Variants in SNRPN observed in about 807,000 individuals in gnomAD.
The protein encoded by SNRPN is small nuclear ribonucleoprotein polypeptide N, also known as small nuclear ribonucleoprotein-associated protein N.
SNRPN carries 7 observed loss-of-function variants against 25.2 expected under a neutral mutation model. The observed-to-expected ratio is 0.28, with a 90% CI of 0.16 to 0.52. The LOEUF (loss-of-function observed/expected upper bound fraction) is 0.52, where lower values mean the gene tolerates loss of function less well. Among genes scored for constraint, SNRPN ranks in the 20% least tolerant of loss-of-function variants. The pLI is 0.96. For synonymous variants in SNRPN, 124 were observed against 110.6 expected (o/e 1.12, Z -0.76); for missense variants, 196 against 322.5 (o/e 0.61, Z 3.00).
At chr15:24,849,923 A>G (rs977834730) in intron 2 of SNRPN, 2 of 152,258 alleles carry the variant, frequency 1.3e-5, no homozygotes, top group Admixed American at 1.3e-4. Context: ...GAAGGCAATA[A>G]TGAACGTAAT....
chr15:24,908,120 A>T (rs1388570429), intron 2 of SNRPN, among the ~76,000 whole-genome samples: 1 of 151,922 alleles, frequency 6.6e-6, no homozygotes, highest in African/African-American at 2.4e-5. Context: ...CTTACTAGAC[A>T]CAAATTATGC....
intron 2 of SNRPN, chr15:24,850,311 C>T (rs547111461): frequency 6.6e-6 from 1 of 152,064 alleles, no homozygotes; most frequent in African/African-American, 2.4e-5. Flanking sequence ...AAGGGAGGTC[C>T]AATTTTTTTT....
intron 2 of SNRPN, among the ~76,000 whole-genome samples, chr15:24,916,675 A>C (rs957667885): frequency 1.3e-5 from 2 of 152,224 alleles, no homozygotes; most frequent in African/African-American, 4.8e-5. Flanking sequence ...TAACAGTATT[A>C]AATTAGGTGT....
intron 1 of SNRPN, among the ~76,000 whole-genome samples, chr15:24,859,845 T>A (rs1402436495): frequency 6.6e-6 from 1 of 152,200 alleles, no homozygotes; most frequent in Admixed American, 6.5e-5. Context: ...CTTTCTGATG[T>A]TGCCATGGCA....
At chr15:24,962,540 C>T (rs445264) in intron 2 of SNRPN, among the ~76,000 whole-genome samples, 19,586 of 151,996 alleles carry the variant, frequency 0.13, 2,428 homozygotes, top group African/African-American at 0.33. Context: ...ATGTACTGTG[C>T]GCTGAAGTGA....
intron 1 of SNRPN, among the ~76,000 whole-genome samples, chr15:24,877,699 C>CACAA (rs1555386882): frequency 7.6e-6 from 1 of 131,808 alleles, no homozygotes; most frequent in Non-Finnish European, 1.8e-5. Context: ...CACACACAAA[C>CACAA]ACACTAGCCG....
At chr15:24,933,776 G>C (rs1007872041) in intron 3 of SNRPN, among the ~76,000 whole-genome samples, 1 of 152,196 alleles carries the variant, frequency 6.6e-6, no homozygotes, top group Non-Finnish European at 1.5e-5. Flanking sequence ...TGAGTAGAGG[G>C]TACATGGCAT....
At chr15:24,908,391 G>T (rs1034027655) in intron 2 of SNRPN, among the ~76,000 whole-genome samples, 1 of 152,140 alleles carries the variant, frequency 6.6e-6, no homozygotes, top group Non-Finnish European at 1.5e-5. Flanking sequence ...GCATTAAGGC[G>T]ATTCTGACGA....
intron 1 of SNRPN, among the ~76,000 whole-genome samples, chr15:24,877,338 C>G (rs2056015070): frequency 6.6e-6 from 1 of 152,180 alleles, no homozygotes. Context: ...ACGTGCTACA[C>G]TAGCTTTAGG....
At chr15:24,944,971 A>G (rs2061786440) in intron 3 of SNRPN, among the ~76,000 whole-genome samples, 2 of 152,200 alleles carry the variant, frequency 1.3e-5, no homozygotes, top group African/African-American at 2.4e-5. Context: ...TAAAGAAGGT[A>G]TCTGCTTTAC....
upstream of SNRPN, chr15:24,954,879 C>A (rs1217343995): frequency 2.2e-6 from 2 of 903,104 alleles, no homozygotes; most frequent in East Asian, 5.2e-5. Context: ...GAGCTGGGAC[C>A]CCTGCACTGC....
intron 2 of SNRPN, among the ~76,000 whole-genome samples, chr15:24,918,369 T>C (rs1358449897): frequency 4.9e-5 from 6 of 122,262 alleles, no homozygotes; most frequent in East Asian, 2.1e-4. Flanking sequence ...TATATATGTG[T>C]ATATATATAA....
intron 2 of SNRPN, among the ~76,000 whole-genome samples, chr15:24,831,057 A>G (rs552054968): frequency 1.9e-4 from 29 of 152,006 alleles, no homozygotes; most frequent in African/African-American, 6.8e-4. Context: ...GGATTCATCT[A>G]TTTCTTATTG....
At chr15:24,842,093 G>T (rs2051755813) in intron 2 of SNRPN, among the ~76,000 whole-genome samples, 1 of 152,136 alleles carries the variant, frequency 6.6e-6, no homozygotes, top group Non-Finnish European at 1.5e-5. Context: ...CTCCTGGGCT[G>T]ATGTCTCTGC....
At chr15:24,878,311 G>A (rs1007898266) in intron 1 of SNRPN, among the ~76,000 whole-genome samples, 1 of 152,154 alleles carries the variant, frequency 6.6e-6, no homozygotes, top group Admixed American at 6.5e-5. Flanking sequence ...CTGCCACGCA[G>A]CCCGCAAGAA....
In SNRPN at chr15:24,918,120, T is replaced by C. The variant is rs987592383; in HGVS notation, c.-504-1891T>C. 3.3e-5 allele frequency among the ~76,000 whole-genome samples: 5 copies of C among 151,990 alleles called. No homozygotes were observed. In the East Asian group the frequency reaches 9.7e-4, roughly 29 times the overall value. ...TTAATGAGACTCCTCTTATAAAAAG[T>C]ACGTATCTGTATGTGCATATGTGTA... is the stretch of plus-strand genomic sequence containing the variant. On this transcript the variant is annotated intron_variant, in intron 2 of 11. Coordinates refer to the SNRPN transcript ENST00000400097.
Position 24,978,263 on chromosome 15 carries a change from G to A in SNRPN, c.630G>A (p.Gly210=), listed in dbSNP as rs1221130626. The A allele has an allele frequency of 6.2e-7, 1 of 1,613,916 alleles. No individual in the cohort carries two copies. Among genetic ancestry groups the A allele is most frequent in the African/African-American group, 1.3e-5 (1 of 74,896 alleles). ...CAATTGGGCTTCCCCCTGCTCGAGG[G>A]ACGCCAATAGGCATGCCGCCTCCGG... ...GPPIGLPPAR[G]TPIGMPPPGM... The change falls in exon 9 of 10, where the codon GGG becomes GGA. Residue 210 remains glycine (G), a synonymous_variant. Coordinates refer to ENST00000390687, the MANE Select transcript of SNRPN (RefSeq NM_003097.6).
intron 3 of SNRPN, among the ~76,000 whole-genome samples, chr15:24,925,655 C>T (rs1413939637): frequency 3.3e-5 from 5 of 151,994 alleles, no homozygotes; most frequent in African/African-American, 7.3e-5. Context: ...TGCAGTTGTG[C>T]GATCACTACA....
chr15:24,968,845 T>G (rs2076029930), intron 3 of SNRPN: 1 of 152,212 alleles, frequency 6.6e-6, no homozygotes, highest in South Asian at 2.1e-4. Flanking sequence ...TGTAGATTTA[T>G]TTAGTTCTTT....
Sources: allele counts gnomAD v4.1 joint callset (sites outside exome capture counted in the v4.1 genomes callset), GRCh38; gene constraint gnomAD v4.1.1; transcripts MANE v1.5; gene names NCBI Gene and HGNC (gene_info 2026-07-23, HGNC 2026-07-21).